The following FMN2 variants were observed in gnomAD, a reference collection of about 807,000 sequenced individuals.
The protein encoded by FMN2 is formin 2.
Under a neutral mutation model 142.3 loss-of-function variants are expected in FMN2, and 51 were observed. The observed-to-expected ratio is 0.36, with a 90% CI of 0.29 to 0.45. The LOEUF (loss-of-function observed/expected upper bound fraction) is 0.45. FMN2 is among the 20% of genes least tolerant of loss of function. The pLI is 1.00. For synonymous variants in FMN2, 882 were observed against 869.8 expected (o/e 1.01, Z -0.25); for missense variants, 1,936 against 2,122.8 (o/e 0.91, Z 1.73).
intron 1 of FMN2, among the ~76,000 whole-genome samples, chr1:240,118,962 C>G (rs1662128021): frequency 6.6e-6 from 1 of 152,126 alleles, no homozygotes; most frequent in Admixed American, 6.5e-5. Context: ...GAGAATAAAT[C>G]ATCTGGAAGT....
At chr1:240,223,225 T>C (rs945866188) in intron 6 of FMN2, among the ~76,000 whole-genome samples, 2 of 152,216 alleles carry the variant, frequency 1.3e-5, no homozygotes, top group African/African-American at 4.8e-5. Context: ...AGGCCTTTTC[T>C]GCATCTGTTG....
At position 240,355,951 on chromosome 1, in the gene FMN2, C is replaced by CAAAAAAAAAAAAAAAAAAAAAA. The variant is rs58002724; in HGVS notation, c.4858+57_4858+78dup. On this transcript the variant is annotated intron_variant, in intron 14 of 17. Transcript: ENST00000319653. ...GTGTTATGTTTTTCTCCCCTTTCAG[C>CAAAAAAAAAAAAAAAAAAAAAA]AAAAAAAAAAAAAAAAAAAAAAAAA... 9.1e-5 allele frequency: 23 copies of CAAAAAAAAAAAAAAAAAAAAAA among 252,968 alleles called. 2 individuals carry two copies. Among genetic ancestry groups the CAAAAAAAAAAAAAAAAAAAAAA allele is most frequent in the African/African-American group, 1.9e-4 (5 of 25,950 alleles). 15.7% of individuals were successfully genotyped at this position (252,968 alleles called of 1,614,324 possible).
At chr1:240,151,544 A>T (rs1211565617) in intron 2 of FMN2, among the ~76,000 whole-genome samples, 1 of 152,078 alleles carries the variant, frequency 6.6e-6, no homozygotes, top group Non-Finnish European at 1.5e-5. Context: ...GGTGTGGGCG[A>T]AGTCTGGATT....
intron 4 of FMN2, among the ~76,000 whole-genome samples, chr1:240,190,292 G>A (rs7544775): frequency 0.22 from 33,824 of 152,008 alleles, 3,911 homozygotes; most frequent in Middle Eastern, 0.35. Context: ...TTAATTGAGA[G>A]GGAACAATAT....
At chr1:240,177,402 C>T (rs1358062634) in intron 2 of FMN2, among the ~76,000 whole-genome samples, 2 of 142,838 alleles carry the variant, frequency 1.4e-5, no homozygotes, top group Admixed American at 7.1e-5. Flanking sequence ...TTCACTGTTT[C>T]ATGGTTTCTC....
At chr1:240,429,931 G>T (rs184983146) in intron 15 of FMN2, among the ~76,000 whole-genome samples, 1 of 150,698 alleles carries the variant, frequency 6.6e-6, no homozygotes, top group Non-Finnish European at 1.5e-5. Flanking sequence ...TGCCGCCCAG[G>T]CTGGAGTGCA....
intron 6 of FMN2, among the ~76,000 whole-genome samples, chr1:240,251,886 AT>A (rs1668288386): frequency 6.6e-6 from 1 of 152,058 alleles, no homozygotes; most frequent in Admixed American, 6.6e-5. Flanking sequence ...CATTTCCTTA[AT>A]TGATTTCTGT....
intron 6 of FMN2, among the ~76,000 whole-genome samples, chr1:240,256,584 C>CAAAA (rs34087707): frequency 2.2e-4 from 25 of 111,418 alleles, no homozygotes; most frequent in African/African-American, 8.6e-4. Context: ...ACTAAAAATA[C>CAAAA]AAAAAAAAAA....
intron 2 of FMN2, among the ~76,000 whole-genome samples, chr1:240,132,203 C>G (rs1041132406): frequency 2.0e-5 from 3 of 152,120 alleles, no homozygotes; most frequent in African/African-American, 7.2e-5. Context: ...CTTTTGACAT[C>G]TAGAATTTGT....
intron 7 of FMN2, among the ~76,000 whole-genome samples, chr1:240,266,627 G>A (rs1220114872): frequency 6.6e-6 from 1 of 152,180 alleles, no homozygotes; most frequent in South Asian, 2.1e-4. Flanking sequence ...GCACACCTAG[G>A]TTGATTCTAA....
chr1:240,356,048 A>AAAAAC (rs1285599653), intron 14 of FMN2, 140 bp downstream of exon 14: 1 of 611,170 alleles, frequency 1.6e-6, no homozygotes, highest in Non-Finnish European at 2.8e-6. Context: ...GACATTACAG[A>AAAAAC]AAAACAGATT....
At chr1:240,097,120 G>T (rs886607684) in intron 1 of FMN2, among the ~76,000 whole-genome samples, 1 of 151,942 alleles carries the variant, frequency 6.6e-6, no homozygotes, top group Non-Finnish European at 1.5e-5. Context: ...TCTTTCCCAA[G>T]TCAATTATGT....
chr1:240,409,228 C>T (rs531612422), intron 15 of FMN2, among the ~76,000 whole-genome samples: 3 of 152,164 alleles, frequency 2.0e-5, no homozygotes, highest in South Asian at 2.1e-4. Context: ...CTGCAACCCT[C>T]GCCTCTTGGG....
chr1:240,305,149 G>A (rs968050460), intron 8 of FMN2, among the ~76,000 whole-genome samples: 2 of 152,116 alleles, frequency 1.3e-5, no homozygotes, highest in Non-Finnish European at 1.5e-5. Flanking sequence ...GAACATCTGG[G>A]TCATCTTGAG....
At chr1:240,218,795 C>G (rs1314504021) in intron 6 of FMN2, among the ~76,000 whole-genome samples, 2 of 152,240 alleles carry the variant, frequency 1.3e-5, no homozygotes, top group South Asian at 2.1e-4. Flanking sequence ...AGAAAGGGCA[C>G]AGAGGTTCTC....
intron 14 of FMN2, among the ~76,000 whole-genome samples, chr1:240,362,457 TC>T (rs1672518540): frequency 6.6e-6 from 1 of 152,174 alleles, no homozygotes; most frequent in Non-Finnish European, 1.5e-5. Flanking sequence ...ATAAATGTGA[TC>T]ACTGGGGACT....
Position 240,384,003 on chromosome 1 carries a change from A to G in FMN2, c.4859-8508A>G, listed in dbSNP as rs1032009803. On this transcript the variant is annotated intron_variant, in intron 14 of 17. Coordinates refer to ENST00000319653, the MANE Select transcript of FMN2 (RefSeq NM_020066.5). ...ATAAAATTGTGTCCTTTACAGCAAC[A>G]TGGATGCAGCTGAAGGCTATTATCC... 2.6e-5 allele frequency among the ~76,000 whole-genome samples: 4 copies of G among 152,160 alleles called. No homozygotes were observed. The East Asian group carries it at 7.7e-4, about 29-fold the overall frequency.
intron 2 of FMN2, chr1:240,143,198 C>T (rs1663270376): frequency 6.3e-7 from 1 of 1,591,154 alleles, no homozygotes; most frequent in Non-Finnish European, 8.6e-7. Flanking sequence ...TACCACTGCC[C>T]ACCATGCCCA....
chr1:240,267,065 A>T (rs549882951), intron 7 of FMN2, among the ~76,000 whole-genome samples: 3 of 152,282 alleles, frequency 2.0e-5, no homozygotes, highest in Admixed American at 2.0e-4. Flanking sequence ...AGTCCTCAAA[A>T]GTAATTGCAG....
Sources: gnomAD v4.1 joint callset for allele counts (sites outside exome capture counted in the v4.1 genomes callset) on GRCh38, gnomAD v4.1.1 for gene constraint, MANE v1.5 for transcripts, NCBI Gene and HGNC (gene_info 2026-07-23, HGNC 2026-07-21) for gene names.